Variants in ERC2 observed in about 807,000 individuals in gnomAD.
ERC2 encodes ERC protein 2.
ERC2 carries 42 observed loss-of-function variants against 114.8 expected under a neutral mutation model. The observed-to-expected ratio is 0.37, with a 90% CI of 0.29 to 0.47. The LOEUF (loss-of-function observed/expected upper bound fraction) is 0.47, where lower values mean the gene tolerates loss of function less well. Among genes scored for constraint, ERC2 ranks in the 20% least tolerant of loss-of-function variants. The pLI is 0.99. For missense variants in ERC2, 939 were observed against 1,150.7 expected, an observed-to-expected ratio of 0.82 and a Z score of 2.66; for synonymous variants, 454 against 425.5, an observed-to-expected ratio of 1.07 and a Z score of -0.82.
intron 14 of ERC2, among the ~76,000 whole-genome samples, chr3:55,769,163 T>C (rs1304145339): frequency 3.3e-5 from 5 of 152,166 alleles, no homozygotes; most frequent in Non-Finnish European, 7.4e-5. Flanking sequence ...GGTAAATATA[T>C]ACCAAATGAA....
intron 7 of ERC2, among the ~76,000 whole-genome samples, chr3:56,064,032 AT>A (rs1560110539): frequency 2.6e-5 from 4 of 152,100 alleles, no homozygotes; most frequent in African/African-American, 7.2e-5. Flanking sequence ...TGGAAAAAAA[AT>A]TTTTTTAAAG....
At chr3:56,422,732 C>A (rs1024430443) in intron 2 of ERC2, among the ~76,000 whole-genome samples, 2 of 152,164 alleles carry the variant, frequency 1.3e-5, no homozygotes, top group African/African-American at 4.8e-5. Context: ...AATTTTAGAG[C>A]TAAGCATACC....
At chr3:56,062,517 T>G (rs1032585594) in intron 7 of ERC2, among the ~76,000 whole-genome samples, 1 of 152,174 alleles carries the variant, frequency 6.6e-6, no homozygotes, top group African/African-American at 2.4e-5. Flanking sequence ...TTGCACAAAC[T>G]CATGCTGATT....
intron 17 of ERC2, among the ~76,000 whole-genome samples, chr3:55,556,326 A>C (rs1016710426): frequency 6.6e-6 from 1 of 152,216 alleles, no homozygotes; most frequent in Non-Finnish European, 1.5e-5. Flanking sequence ...AAAGAGCTAC[A>C]GCCTCTCAGT....
Position 56,149,149 on chromosome 3 carries a change from A to G in ERC2, c.1150-17T>C, listed in dbSNP as rs753826953. On this transcript the variant is annotated splice_polypyrimidine_tract_variant and intron_variant, in intron 4 of 17. Transcript: ENST00000288221. The stretch of plus-strand genomic sequence containing the variant: ...TTTTGTGTCCTGTTGGTAAAGAAGA[A>G]AAGAAAAAGAAAAATAAAGAATAAA... The G allele has an allele frequency of 2.6e-6, 4 of 1,544,864 alleles. No individual in the cohort carries two copies. Among genetic ancestry groups the G allele is most frequent in the Admixed American group, 2.1e-5 (1 of 46,848 alleles).
intron 15 of ERC2, among the ~76,000 whole-genome samples, chr3:55,730,890 G>A (rs1465133945): frequency 2.6e-5 from 4 of 152,170 alleles, no homozygotes; most frequent in African/African-American, 7.2e-5. Context: ...TCTCTCATGA[G>A]CCAGTCTGCC....
chr3:56,284,964 G>A (rs1305034460), intron 3 of ERC2, among the ~76,000 whole-genome samples: 1 of 136,006 alleles, frequency 7.4e-6, no homozygotes, highest in Non-Finnish European at 1.6e-5. Context: ...GCCTGTCTCT[G>A]TCTCTATCAA....
At chr3:55,814,221 G>T (rs2059824963) in intron 14 of ERC2, among the ~76,000 whole-genome samples, 1 of 152,176 alleles carries the variant, frequency 6.6e-6, no homozygotes, top group African/African-American at 2.4e-5. Flanking sequence ...TAAATTAGAA[G>T]ATTTTGGTTC....
chr3:56,337,174 T>A (rs536550779), intron 2 of ERC2, among the ~76,000 whole-genome samples: 1 of 152,294 alleles, frequency 6.6e-6, no homozygotes, highest in South Asian at 2.1e-4. Context: ...CTCCCAGATA[T>A]CCCATTTTTC....
At chr3:56,439,128 A>G (rs2062166944) in intron 1 of ERC2, among the ~76,000 whole-genome samples, 1 of 152,126 alleles carries the variant, frequency 6.6e-6, no homozygotes, top group Non-Finnish European at 1.5e-5. Context: ...TTCCTGAAAT[A>G]TTTTGTAGAA....
intron 3 of ERC2, among the ~76,000 whole-genome samples, chr3:56,258,199 G>T (rs559968251): frequency 1.3e-5 from 2 of 152,126 alleles, no homozygotes; most frequent in African/African-American, 4.8e-5. Context: ...TGACCAAGAT[G>T]ATCTAGACTA....
intron 2 of ERC2, among the ~76,000 whole-genome samples, chr3:56,317,323 T>C (rs942873741): frequency 6.6e-6 from 1 of 151,804 alleles, no homozygotes; most frequent in African/African-American, 2.4e-5. Context: ...GCATCTTGGG[T>C]GGAAAAAGAA....
chr3:55,660,721 T>C (rs2061092219), intron 17 of ERC2, among the ~76,000 whole-genome samples: 1 of 152,216 alleles, frequency 6.6e-6, no homozygotes, highest in South Asian at 2.1e-4. Context: ...AGCACTTATG[T>C]GCACAGACTT....
rs375850711 is a variant in ERC2, at chr3:56,431,106, T to C, written c.657+3245A>G. Among the ~76,000 whole-genome samples, 21 of 152,252 alleles carry C rather than the reference T, an allele frequency of 1.4e-4. No individual in the cohort carries two copies. The South Asian group carries it at 2.1e-3, about 15-fold the overall frequency. On this transcript the variant is annotated intron_variant, in intron 2 of 17. Transcript: ENST00000288221. ...TCAGATGACTGATGAAATCACTAAA[T>C]AAGATAATGTACACAAAGCACTAAG...
chr3:55,511,420 G>A (rs1404322399), intron 17 of ERC2, 144 bp from the exon 18 acceptor site: 1 of 152,380 alleles, frequency 6.6e-6, no homozygotes, highest in Admixed American at 6.5e-5. Context: ...GGAGTGGGGA[G>A]GGGGTAAGGG....
At chr3:55,673,596 T>TA (rs1038376669) in intron 17 of ERC2, among the ~76,000 whole-genome samples, 3 of 149,882 alleles carry the variant, frequency 2.0e-5, no homozygotes, top group African/African-American at 4.9e-5. Flanking sequence ...AAATAAAAAA[T>TA]AAAAAAAAAG....
chr3:55,937,843 A>G (rs961528849), intron 13 of ERC2, among the ~76,000 whole-genome samples: 8 of 152,198 alleles, frequency 5.3e-5, no homozygotes, highest in African/African-American at 1.9e-4. Context: ...GTTTGGGTAC[A>G]TGAGATTATA....
intron 2 of ERC2, among the ~76,000 whole-genome samples, chr3:56,311,701 C>T (rs79143286): frequency 0.015 from 2,220 of 151,808 alleles, 16 homozygotes; most frequent in South Asian, 0.022. Flanking sequence ...ACTGATCTAT[C>T]GAACCCTATG....
rs549668520 is a variant in ERC2 at position 56,252,156 on chromosome 3, T to C, written c.1074+43863A>G. 3.3e-5 allele frequency among the ~76,000 whole-genome samples: 5 copies of C among 152,334 alleles called. No homozygotes were observed. In the South Asian group the frequency reaches 1.0e-3, roughly 32 times the overall value. On this transcript the variant is annotated intron_variant, in intron 3 of 17. Transcript: ENST00000288221. ...GTCTGGAGGCTTCATGCTAAGTGCC[T>C]ATTAGGCTTGGACATCCTATAACAG...
Sources: gnomAD v4.1 joint callset for allele counts (sites outside exome capture counted in the v4.1 genomes callset) on GRCh38, gnomAD v4.1.1 for gene constraint, MANE v1.5 for transcripts, NCBI Gene and HGNC (gene_info 2026-07-23, HGNC 2026-07-21) for gene names.